The following PCDH19 variants were observed in gnomAD, a reference collection of about 807,000 sequenced individuals.
The protein encoded by PCDH19 is protocadherin-19.
In PCDH19, 6 loss-of-function variants were observed where a neutral mutation model predicts 46.2. The ratio of observed to expected loss-of-function variants is 0.13; its 90% CI spans 0.07 to 0.26. PCDH19 has a LOEUF of 0.26. Among genes scored for constraint, PCDH19 ranks in the 10% least tolerant of loss-of-function variants. PCDH19 has a pLI of 1.00. For synonymous variants in PCDH19, 481 were observed against 415.7 expected (o/e 1.16, Z -1.91); for missense variants, 740 against 972.3 (o/e 0.76, Z 3.18).
intron 3 of PCDH19, among the ~76,000 whole-genome samples, chrX:100,401,002 C>T (rs1928163547): frequency 9.0e-6 from 1 of 111,518 alleles, no homozygotes; most frequent in African/African-American, 3.3e-5. Context: ...GAGTAAGTCC[C>T]TTAGCATCTC....
intron 3 of PCDH19, among the ~76,000 whole-genome samples, chrX:100,371,038 T>C (rs1047900672): frequency 9.1e-6 from 1 of 110,401 alleles, no homozygotes; most frequent in Non-Finnish European, 1.9e-5. Flanking sequence ...TGTGTGTGTA[T>C]GCATGTGTTT....
chrX:100,322,865 A>T (rs372156393), intron 5 of PCDH19, among the ~76,000 whole-genome samples: 7,269 of 54,312 alleles, frequency 0.13, 1,091 homozygotes, highest in African/African-American at 0.41. Flanking sequence ...ATATATATAT[A>T]TTTTTGCAGC....
intron 3 of PCDH19, among the ~76,000 whole-genome samples, chrX:100,361,821 T>C (rs1340391390): frequency 9.0e-6 from 1 of 110,599 alleles, no homozygotes; most frequent in African/African-American, 3.3e-5. Context: ...TTCTGGAAAA[T>C]GCAGTGAAAT....
intron 3 of PCDH19, among the ~76,000 whole-genome samples, chrX:100,356,512 G>C (rs1926719434): frequency 9.0e-6 from 1 of 110,501 alleles, no homozygotes; most frequent in Non-Finnish European, 1.9e-5. Flanking sequence ...ACATAAAAAT[G>C]AATATGCAAA....
At position 100,296,468 on chromosome X, in the gene PCDH19, C is replaced by A; in HGVS notation, c.3256G>T (p.Ala1086Ser). ...PTKPSVSYTIALAPPARDLEQ... is the reference protein window; with the variant it reads ...PTKPSVSYTISLAPPARDLEQ... ...AGATCACGGGCTGGGGGAGCCAGGG[C>A]AATGGTGTAAGACACGGAAGGCTTG... Residue 1086 changes from alanine to serine, a missense_variant, in exon 6 of 6, where the codon GCC becomes TCC. Ala to Ser is a moderately conservative substitution (Grantham distance 99). This residue lies in a region of PCDH19 where 416 missense variants were observed against 476.8 expected (regional missense o/e 0.87). Coordinates refer to ENST00000373034, the MANE Select transcript of PCDH19 (RefSeq NM_001184880.2). 2 of 1,211,162 alleles carry A rather than the reference C, an allele frequency of 1.7e-6. No homozygotes were observed. The highest frequency in any genetic ancestry group is 3.0e-5 in the East Asian group (1 of 33,812).
At position 100,340,449 on chromosome X, in the gene PCDH19, T is replaced by C. The variant is rs528040297; in HGVS notation, c.2848+1454A>G. On this transcript the variant is annotated intron_variant, in intron 5 of 5. Transcript: ENST00000373034. The stretch of plus-strand genomic sequence containing the variant: ...TTGATATAAATGAAAAAGCATTTCT[T>C]TGAAACACACAACTAGTAAATGATA... Among the ~76,000 whole-genome samples, 8 of 112,618 alleles carry C rather than the reference T, an allele frequency of 7.1e-5. No individual in the cohort carries two copies. The South Asian group carries it at 1.1e-3, about 15-fold the overall frequency.
At chrX:100,349,921 G>C in intron 4 of PCDH19, among the ~76,000 whole-genome samples, 1 of 112,282 alleles carries the variant, frequency 8.9e-6, no homozygotes, top group Admixed American at 9.4e-5. Context: ...TTCTTGGCAG[G>C]ATTCAGCTCT....
chrX:100,307,847 A>G (rs1191741037), intron 5 of PCDH19, among the ~76,000 whole-genome samples: 4 of 111,063 alleles, frequency 3.6e-5, no homozygotes, highest in African/African-American at 1.3e-4. Context: ...GAGGTGAAAG[A>G]ACCCCTACAA....
intron 5 of PCDH19, among the ~76,000 whole-genome samples, chrX:100,299,203 C>A (rs956901746): frequency 9.0e-6 from 1 of 111,390 alleles, no homozygotes; most frequent in African/African-American, 3.3e-5. Flanking sequence ...AACCCTTGAG[C>A]CCTGAAACCA....
At chrX:100,304,351 C>T (rs1399633570) in intron 5 of PCDH19, among the ~76,000 whole-genome samples, 1 of 111,174 alleles carries the variant, frequency 9.0e-6, no homozygotes, top group Non-Finnish European at 1.9e-5. Context: ...CTCAGGAATC[C>T]CCATCCCCAG....
intron 5 of PCDH19, among the ~76,000 whole-genome samples, chrX:100,301,460 C>T (rs1361520037): frequency 8.9e-6 from 1 of 111,958 alleles, no homozygotes; most frequent in Non-Finnish European, 1.9e-5. Context: ...ATCAATGAAT[C>T]AGAAAGAAAA....
intron 3 of PCDH19, among the ~76,000 whole-genome samples, chrX:100,401,731 A>AATTCTT (rs55876844): frequency 1.9e-5 from 2 of 108,001 alleles, no homozygotes; most frequent in African/African-American, 6.6e-5. Flanking sequence ...ATGCATAGAT[A>AATTCTT]ATTCTTATTC....
intron 4 of PCDH19, among the ~76,000 whole-genome samples, 181 bp from the exon 5 acceptor site, chrX:100,342,256 G>A (rs1017096088): frequency 1.8e-5 from 2 of 111,943 alleles, no homozygotes; most frequent in African/African-American, 6.5e-5. Flanking sequence ...TTGCACAGAG[G>A]TTCCCACTAT....
At chrX:100,346,265 CAT>C (rs1926396450) in intron 4 of PCDH19, among the ~76,000 whole-genome samples, 1 of 112,299 alleles carries the variant, frequency 8.9e-6, no homozygotes, top group Non-Finnish European at 1.9e-5. Flanking sequence ...TTCCAAAAGA[CAT>C]AAGACTCAGA....
In PCDH19 at chrX:100,296,404, C is replaced by T. The variant is rs200021840; in HGVS notation, c.3320G>A (p.Arg1107His). 5.9e-5 allele frequency: 71 copies of T among 1,208,983 alleles called. No individual in the cohort carries two copies. In the East Asian group the frequency reaches 1.9e-3, roughly 33 times the overall value. ...TCCACGGGGCTCAGCTTCAGAGGGACGAGTAGGGCCATTGTTGACATTGTT... is the reference window on the plus strand; with the variant it reads ...TCCACGGGGCTCAGCTTCAGAGGGATGAGTAGGGCCATTGTTGACATTGTT... ...YVNNVNNGPTRPSEAEPRGAD... is the reference protein window; with the variant it reads ...YVNNVNNGPTHPSEAEPRGAD... The change falls in exon 6 of 6, where the codon CGT (arginine) becomes CAT (histidine). Residue 1107 changes from arginine to histidine, a missense_variant. Around this residue, in one of 5 missense-constraint regions of PCDH19, gnomAD observed 416 missense variants for 476.8 expected, o/e 0.87. Transcript: ENST00000373034.
rs1928409795 is a variant in PCDH19, at chrX:100,407,507, G to A, written c.1091C>T (p.Pro364Leu). The change falls in exon 1 of 6, where the codon CCG becomes CTG. Residue 364 changes from proline (P) to leucine (L), a missense_variant. Coordinates refer to ENST00000373034, the MANE Select transcript of PCDH19 (RefSeq NM_001184880.2). ...ELVEVSESAP[P>L]GYVIALVRVS... is the part of the protein sequence containing the mutation. The stretch of plus-strand genomic sequence containing the variant: ...CCGCACCAAGGCGATCACGTAGCCC[G>A]GGGGGGCGCTCTCGCTGACCTCCAC... 2.5e-6 allele frequency: 3 copies of A among 1,210,007 alleles called. No individual in the cohort carries two copies. The highest frequency in any genetic ancestry group is 3.4e-6 in the Non-Finnish European group (3 of 894,956).
intron 3 of PCDH19, among the ~76,000 whole-genome samples, chrX:100,363,321 T>A (rs60491319): frequency 0.28 from 28,236 of 102,337 alleles, 3,386 homozygotes; most frequent in Middle Eastern, 0.52. Context: ...AAAAAAAAAA[T>A]GGAAATAATA....
chrX:100,299,454 C>T (rs974532775), intron 5 of PCDH19, among the ~76,000 whole-genome samples: 6 of 111,041 alleles, frequency 5.4e-5, no homozygotes, highest in Non-Finnish European at 9.4e-5. Flanking sequence ...CCATGTGTCA[C>T]CCTGAATCCA....
intron 3 of PCDH19, among the ~76,000 whole-genome samples, chrX:100,360,458 G>A (rs765833009): frequency 4.5e-5 from 5 of 112,070 alleles, no homozygotes; most frequent in Non-Finnish European, 9.4e-5. Flanking sequence ...CTCTTTTGTC[G>A]CAGATATTGT....
Sources: gnomAD v4.1 joint callset for allele counts (sites outside exome capture counted in the v4.1 genomes callset) on GRCh38, gnomAD v4.1.1 for gene constraint, gnomAD v4.1.1 regional missense constraint, MANE v1.5 for transcripts, NCBI Gene and HGNC (gene_info 2026-07-23, HGNC 2026-07-21) for gene names.